Variants in CELSR1 observed in about 807,000 individuals in gnomAD.
The protein encoded by CELSR1 is adhesion G protein-coupled receptor C1.
A neutral mutation model predicts 249.1 loss-of-function variants in CELSR1; 110 were observed. The ratio of observed to expected loss-of-function variants is 0.44; its 90% CI spans 0.38 to 0.52. CELSR1 has a LOEUF of 0.52. Ranked by LOEUF, CELSR1 falls within the 20% of genes least tolerant of loss-of-function variation. CELSR1 has a pLI of 0.00. For synonymous variants in CELSR1, 2,113 were observed against 1,900.0 expected (o/e 1.11, Z -2.92); for missense variants, 4,109 against 4,296.4 (o/e 0.96, Z 1.22).
chr22:46,495,763 C>T (rs1471929299), intron 1 of CELSR1, among the ~76,000 whole-genome samples: 2 of 152,082 alleles, frequency 1.3e-5, no homozygotes, highest in East Asian at 3.9e-4. Flanking sequence ...TGCAGTGAGC[C>T]GAGATCGTGC....
At chr22:46,414,377 G>A (rs532366801) in intron 5 of CELSR1, among the ~76,000 whole-genome samples, 1 of 152,152 alleles carries the variant, frequency 6.6e-6, no homozygotes. Flanking sequence ...ACAGAGGAGC[G>A]GGGGGATCTG....
In CELSR1 at chr22:46,386,580, G is replaced by A. The variant is rs369582898; in HGVS notation, c.6561C>T (p.Val2187=). The change falls in exon 19 of 35, where the codon GTC becomes GTT. Residue 2187 remains valine, a synonymous_variant. Coordinates refer to ENST00000674500, the MANE Select transcript of CELSR1 (RefSeq NM_001378328.1). The part of the protein sequence containing the change: ...ATQDADFHED[V]IHSGSALLAP... Reference sequence around the variant, plus strand: ...CCAGGAGGGCGCTGCCCGAGTGGATGACGTCCTGGTCAGACAGACAGCACT... The same window carrying A: ...CCAGGAGGGCGCTGCCCGAGTGGATAACGTCCTGGTCAGACAGACAGCACT... 2.5e-6 allele frequency: 4 copies of A among 1,591,928 alleles called. No homozygotes were observed. The highest frequency in any genetic ancestry group is 3.4e-6 in the Non-Finnish European group (4 of 1,174,202).
chr22:46,391,594 C>T lies in CELSR1; in HGVS notation c.6148+39G>A, dbSNP rs372337060. 83 of 1,536,070 alleles carry T rather than the reference C, an allele frequency of 5.4e-5. No homozygotes were observed. The highest frequency in any genetic ancestry group is 6.3e-5 in the Non-Finnish European group (73 of 1,150,556). ...GCACGCCAGTGCAGCAGCCTGTCCC[C>T]GCGCTGTAACCTGCAGGGTGTCGAG... On this transcript the variant is annotated intron_variant, in intron 15 of 34. Transcript: ENST00000674500. This position sits in a 1 kb window ranked among gnomAD's most constrained non-coding sequence, Gnocchi z 4.3.
At chr22:46,478,246 A>G (rs988181253) in intron 1 of CELSR1, among the ~76,000 whole-genome samples, 5 of 152,214 alleles carry the variant, frequency 3.3e-5, no homozygotes, top group African/African-American at 1.2e-4. Flanking sequence ...AGCTGAGCCC[A>G]GAGATTGACA....
intron 1 of CELSR1, among the ~76,000 whole-genome samples, chr22:46,513,028 G>C (rs1246164853): frequency 6.6e-5 from 10 of 152,188 alleles, no homozygotes; most frequent in Non-Finnish European, 2.9e-5. Context: ...CCTAGGACGG[G>C]AATCCATCCC....
chr22:46,445,008 G>A lies in CELSR1; in HGVS notation c.4184-5597C>T, dbSNP rs1224063650. 6.6e-6 allele frequency among the ~76,000 whole-genome samples: 1 copy of A among 151,658 alleles called. No homozygotes were observed. The highest frequency in any genetic ancestry group is 1.5e-5 in the Non-Finnish European group (1 of 67,952). ...ATCACCTGAGATCAGGGGTTCGCGA[G>A]CCTGGCCAACATGGTGAAACCCAAT... On this transcript the variant is annotated intron_variant, in intron 2 of 34. Coordinates refer to ENST00000674500, the MANE Select transcript of CELSR1 (RefSeq NM_001378328.1). The surrounding 1 kb of genome is among the most constrained non-coding windows in gnomAD (Gnocchi z 4.4).
At position 46,534,756 on chromosome 22, in the gene CELSR1, G is replaced by A; in HGVS notation, c.2415C>T (p.Gly805=). 3 of 1,613,044 alleles carry A rather than the reference G, an allele frequency of 1.9e-6. No homozygotes were observed. The highest frequency in any genetic ancestry group is 1.7e-5 in the Admixed American group (1 of 60,018). The part of the protein sequence containing the change: ...TVSVSEDRPV[G]TSIATLSAND... The stretch of plus-strand genomic sequence containing the variant: ...TGGCACTGAGGGTAGCAATGGAGGT[G>A]CCCACAGGCCTGTCCTCACTGACAC... The change falls in exon 1 of 35, where the codon GGC becomes GGT. Residue 805 remains glycine (G), a synonymous_variant. Coordinates refer to ENST00000674500, the MANE Select transcript of CELSR1 (RefSeq NM_001378328.1). This position sits in a 1 kb window ranked among gnomAD's most constrained non-coding sequence, Gnocchi z 9.7.
At position 46,454,900 on chromosome 22, in the gene CELSR1, G is replaced by C. The variant is rs910054822; in HGVS notation, c.4183+8807C>G. ...AGATACGCTCAGTTACGAACTCCCA[G>C]TACCCTTGAAAGTGACCTTGTTTGG... On this transcript the variant is annotated intron_variant, in intron 2 of 34. Coordinates refer to ENST00000674500, the MANE Select transcript of CELSR1 (RefSeq NM_001378328.1). The surrounding 1 kb of genome is among the most constrained non-coding windows in gnomAD (Gnocchi z 5.1). 6.6e-6 allele frequency among the ~76,000 whole-genome samples: 1 copy of C among 152,216 alleles called. No homozygotes were observed. Among genetic ancestry groups the C allele is most frequent in the Non-Finnish European group, 1.5e-5 (1 of 68,036 alleles).
At chr22:46,463,270 C>T (rs549576752) in intron 2 of CELSR1, among the ~76,000 whole-genome samples, 2 of 152,180 alleles carry the variant, frequency 1.3e-5, no homozygotes, top group Non-Finnish European at 2.9e-5. Flanking sequence ...AATCCCTGCT[C>T]TCTGGGAGGC....
rs1382770211 is a variant in CELSR1 at position 46,427,602 on chromosome 22, C to T, written c.4611+5791G>A. 6.6e-6 allele frequency among the ~76,000 whole-genome samples: 1 copy of T among 152,174 alleles called. No individual in the cohort carries two copies. The highest frequency in any genetic ancestry group is 2.4e-5 in the African/African-American group (1 of 41,438). Reference sequence around the variant, plus strand: ...ATCTAGTAACAAGATCCTGGGAGCTCCTCCCCTCATCACCGCACAGAACCC... The same window carrying T: ...ATCTAGTAACAAGATCCTGGGAGCTTCTCCCCTCATCACCGCACAGAACCC... On this transcript the variant is annotated intron_variant, in intron 5 of 34. Transcript: ENST00000674500. The surrounding 1 kb of genome is among the most constrained non-coding windows in gnomAD (Gnocchi z 4.2).
rs2079343117 is a variant in CELSR1, at chr22:46,412,038, G to A, written c.4612-279C>T. Among the ~76,000 whole-genome samples, 1 of 152,148 alleles carries A rather than the reference G, an allele frequency of 6.6e-6. No individual in the cohort carries two copies. The highest frequency in any genetic ancestry group is 2.4e-5 in the African/African-American group (1 of 41,434). ...AAGATGCGGACGTCCTGGAGTAGGCGGGCCCTGATCCAAGATGACTGGTGT... is the reference window on the plus strand; with the variant it reads ...AAGATGCGGACGTCCTGGAGTAGGCAGGCCCTGATCCAAGATGACTGGTGT... On this transcript the variant is annotated intron_variant, in intron 5 of 34. Coordinates refer to ENST00000674500, the MANE Select transcript of CELSR1 (RefSeq NM_001378328.1). The surrounding 1 kb of genome is among the most constrained non-coding windows in gnomAD (Gnocchi z 4.5).
In CELSR1 at chr22:46,409,662, T is replaced by A. The variant is rs974544296; in HGVS notation, c.5059+93A>T. On this transcript the variant is annotated intron_variant, in intron 8 of 34. Transcript: ENST00000674500. The surrounding 1 kb of genome is among the most constrained non-coding windows in gnomAD (Gnocchi z 9.8). ...ACCACCAGAGGCTGCCGGACCTGGA[T>A]GTGAAGCCCCCTCACGGTGGTCCCG... 2 of 1,490,400 alleles carry A rather than the reference T, an allele frequency of 1.3e-6. No homozygotes were observed. Among genetic ancestry groups the A allele is most frequent in the African/African-American group, 2.8e-5 (2 of 72,534 alleles). The allele number at this position is 1,490,400 out of a possible 1,614,324, so 92.3% of individuals were successfully genotyped here. A position where few individuals can be genotyped will look rare whatever the true frequency, so the allele number is the denominator to read the frequency against.
intron 1 of CELSR1, among the ~76,000 whole-genome samples, chr22:46,489,464 C>A (rs1359015969): frequency 6.6e-6 from 1 of 151,868 alleles, no homozygotes; most frequent in Non-Finnish European, 1.5e-5. Flanking sequence ...CTCCTGGCGC[C>A]CCTCCTAACT....
chr22:46,450,521 A>G (rs984081507), intron 2 of CELSR1, among the ~76,000 whole-genome samples: 3 of 152,234 alleles, frequency 2.0e-5, no homozygotes, highest in African/African-American at 7.2e-5. Flanking sequence ...GGCTGGTCAG[A>G]TGAGTACACG....
At position 46,423,858 on chromosome 22, in the gene CELSR1, C is replaced by T. The variant is rs2079507431; in HGVS notation, c.4611+9535G>A. On this transcript the variant is annotated intron_variant, in intron 5 of 34. Coordinates refer to ENST00000674500, the MANE Select transcript of CELSR1 (RefSeq NM_001378328.1). This position sits in a 1 kb window ranked among gnomAD's most constrained non-coding sequence, Gnocchi z 5.6. ...GTGGTGGTGGTGCGCACCTGTAATCCCAGCTACTTGGGAGGCTGAGGGCAG... is the reference window on the plus strand; with the variant it reads ...GTGGTGGTGGTGCGCACCTGTAATCTCAGCTACTTGGGAGGCTGAGGGCAG... Among the ~76,000 whole-genome samples the T allele has an allele frequency of 1.3e-5, 2 of 151,828 alleles. No homozygotes were observed. Among genetic ancestry groups the T allele is most frequent in the Non-Finnish European group, 1.5e-5 (1 of 67,998 alleles).
intron 1 of CELSR1, among the ~76,000 whole-genome samples, chr22:46,465,644 G>A (rs1038939804): frequency 2.6e-5 from 4 of 152,242 alleles, no homozygotes; most frequent in African/African-American, 7.2e-5. Flanking sequence ...CGCACCCGGC[G>A]CTTTCCCAGC....
chr22:46,414,595 TCCCGCCTCTCG>T (rs1191167130), intron 5 of CELSR1, among the ~76,000 whole-genome samples: 1,644 of 150,240 alleles, frequency 0.011, 16 homozygotes, highest in African/African-American at 0.035. Context: ...CCGTCCACTC[TCCCGCCTCTCG>T]GCGAGTGTGG....
chr22:46,465,867 G>T (rs185756547), intron 1 of CELSR1, among the ~76,000 whole-genome samples: 77 of 152,330 alleles, frequency 5.1e-4, no homozygotes, highest in Non-Finnish European at 8.7e-4. Flanking sequence ...ACGCAGGCCC[G>T]GCTGGGGATG....
Position 46,391,962 on chromosome 22 carries a change from C to CCA in CELSR1, c.5965-148_5965-147dup, listed in dbSNP as rs1167614504. On this transcript the variant is annotated intron_variant, in intron 14 of 34. Coordinates refer to ENST00000674500, the MANE Select transcript of CELSR1 (RefSeq NM_001378328.1). The surrounding 1 kb of genome is among the most constrained non-coding windows in gnomAD (Gnocchi z 4.3). ...CCCACCCCTCATGGCTACCCTCTGC[C>CCA]CACATCCCACACCCAACGGGGGCTG... 4.8e-6 allele frequency: 4 copies of CCA among 840,878 alleles called. No individual in the cohort carries two copies. The highest frequency in any genetic ancestry group is 3.2e-5 in the Admixed American group (1 of 31,554). The allele number at this position is 840,878 out of a possible 1,614,324, so 52.1% of individuals were successfully genotyped here. A position where few individuals can be genotyped will look rare whatever the true frequency, so the allele number is the denominator to read the frequency against.
Sources: gnomAD v4.1 joint callset for allele counts (sites outside exome capture counted in the v4.1 genomes callset) on GRCh38, gnomAD v4.1.1 for gene constraint, Gnocchi (gnomAD v3.1) non-coding constraint, MANE v1.5 for transcripts, NCBI Gene and HGNC (gene_info 2026-07-23, HGNC 2026-07-21) for gene names.